LRRTM3: variants seen among roughly 807,000 people sequenced by gnomAD.
The protein encoded by LRRTM3 is leucine-rich repeat transmembrane neuronal protein 3.
A neutral mutation model predicts 44.7 loss-of-function variants in LRRTM3; 24 were observed. The observed-to-expected ratio is 0.54, with a 90% CI of 0.39 to 0.76. The LOEUF (loss-of-function observed/expected upper bound fraction) is 0.76. Ranked by LOEUF, LRRTM3 falls within the 30% of genes least tolerant of loss-of-function variation. The pLI, the probability that LRRTM3 is intolerant of heterozygous loss-of-function variation, is 0.00. For synonymous variants in LRRTM3, 277 were observed against 278.7 expected, an observed-to-expected ratio of 0.99 and a Z score of 0.06; for missense variants, 587 against 702.2, an observed-to-expected ratio of 0.84 and a Z score of 1.85.
At chr10:67,013,551 T>C (rs1852471053) in intron 2 of LRRTM3, among the ~76,000 whole-genome samples, 1 of 152,142 alleles carries the variant, frequency 6.6e-6, no homozygotes, top group East Asian at 1.9e-4. Context: ...TACCATGACC[T>C]CGGCAAACAC....
At position 67,031,844 on chromosome 10, in the gene LRRTM3, C is replaced by A. The variant is rs183490679; in HGVS notation, c.1537-65743C>A. On this transcript the variant is annotated intron_variant, in intron 2 of 2. Coordinates refer to ENST00000361320, the MANE Select transcript of LRRTM3 (RefSeq NM_178011.5). ...GAATCAAGAAGGACAGATCAGAGGT[C>A]ATTTTGAGCAGCCTCTTTTATTGGG... Among the ~76,000 whole-genome samples, 614 of 152,286 alleles carry A rather than the reference C, an allele frequency of 4.0e-3. 3 individuals are homozygous for A. Among genetic ancestry groups the A allele is most frequent in the South Asian group, 0.012 (59 of 4,820 alleles).
At chr10:67,051,838 T>A (rs1287039309) in intron 2 of LRRTM3, among the ~76,000 whole-genome samples, 2 of 151,854 alleles carry the variant, frequency 1.3e-5, no homozygotes, top group African/African-American at 4.8e-5. Context: ...CACTGCAACC[T>A]CTGCCTCAGG....
chr10:66,988,364 T>C (rs1226894476), intron 2 of LRRTM3, among the ~76,000 whole-genome samples: 1 of 152,202 alleles, frequency 6.6e-6, no homozygotes, highest in African/African-American at 2.4e-5. Flanking sequence ...TAGAAATTCA[T>C]CAAAGCAACA....
rs1213475941 is a variant in LRRTM3, at chr10:67,099,210, T to C, written c.*1414T>C. ...ATTATAAAGTTCATTCAAATCAAAT[T>C]AAGAAAACCTGAGTCTTTAGAAGCT... On this transcript the variant is annotated 3_prime_UTR_variant, in exon 3 of 3. Coordinates refer to ENST00000361320, the MANE Select transcript of LRRTM3 (RefSeq NM_178011.5). 5.9e-5 allele frequency: 9 copies of C among 151,920 alleles called. No homozygotes were observed. The East Asian group carries it at 1.7e-3, about 29-fold the overall frequency. The allele number at this position is 151,920 out of a possible 1,614,324, so 9.4% of individuals were successfully genotyped here. A position where few individuals can be genotyped will look rare whatever the true frequency, so the allele number is the denominator to read the frequency against.
chr10:67,025,305 C>T (rs1479275686), intron 2 of LRRTM3, among the ~76,000 whole-genome samples: 1 of 151,210 alleles, frequency 6.6e-6, no homozygotes, highest in Non-Finnish European at 1.5e-5. Context: ...TTGATTAGCT[C>T]ATAAGCCTAT....
intron 2 of LRRTM3, among the ~76,000 whole-genome samples, chr10:67,007,234 T>C (rs576982328): frequency 6.6e-6 from 1 of 152,306 alleles, no homozygotes; most frequent in Admixed American, 6.5e-5. Context: ...CATCAACACA[T>C]TGAACTGAAA....
chr10:67,034,924 T>C (rs1446782055), intron 2 of LRRTM3, among the ~76,000 whole-genome samples: 1 of 152,226 alleles, frequency 6.6e-6, no homozygotes. Flanking sequence ...ATGCTATTTC[T>C]TCTGGCCTTC....
intron 2 of LRRTM3, among the ~76,000 whole-genome samples, chr10:67,025,077 C>T (rs1404845189): frequency 6.8e-6 from 1 of 146,976 alleles, no homozygotes; most frequent in Non-Finnish European, 1.5e-5. Flanking sequence ...TGCGGTGAGC[C>T]GAGATCATGC....
intron 2 of LRRTM3, among the ~76,000 whole-genome samples, chr10:67,069,557 GCCCCACCCCACCCCA>G (rs549930721): frequency 2.1e-3 from 198 of 96,352 alleles, no homozygotes; most frequent in Middle Eastern, 9.5e-3. Context: ...ACAGCAGCCC[GCCCCACCCCACCCCA>G]CCCCACCCCA....
At chr10:67,061,700 C>T (rs551326417) in intron 2 of LRRTM3, among the ~76,000 whole-genome samples, 11 of 152,272 alleles carry the variant, frequency 7.2e-5, no homozygotes, top group South Asian at 4.1e-4. Flanking sequence ...GAAAGAGAAA[C>T]GATATTTCAG....
At position 67,050,659 on chromosome 10, in the gene LRRTM3, C is replaced by A. The variant is rs77678990; in HGVS notation, c.1537-46928C>A. Among the ~76,000 whole-genome samples the A allele has an allele frequency of 2.9e-3, 442 of 152,300 alleles. 8 individuals are homozygous for A. The East Asian group carries it at 0.058, about 20-fold the overall frequency. ...TGTGATTGCCCAGACTCGTGTCCTG[C>A]ATGGAATTTAAACTACTTTTGTAAC... is the stretch of plus-strand genomic sequence containing the variant. On this transcript the variant is annotated intron_variant, in intron 2 of 2. Transcript: ENST00000361320.
intron 2 of LRRTM3, among the ~76,000 whole-genome samples, chr10:67,047,109 A>G (rs1211525277): frequency 1.3e-5 from 2 of 152,208 alleles, no homozygotes; most frequent in East Asian, 3.9e-4. Context: ...CAATGAAGAC[A>G]GTACTCAGAC....
At chr10:66,987,592 A>G (rs1435019389) in intron 2 of LRRTM3, among the ~76,000 whole-genome samples, 2 of 152,174 alleles carry the variant, frequency 1.3e-5, no homozygotes, top group Non-Finnish European at 2.9e-5. Flanking sequence ...TCCAGTTACT[A>G]CTGTCTCATT....
intron 2 of LRRTM3, among the ~76,000 whole-genome samples, chr10:66,992,288 AT>A (rs746908488): frequency 6.6e-6 from 1 of 152,004 alleles, no homozygotes; most frequent in Non-Finnish European, 1.5e-5. Flanking sequence ...ATCTTTTTAC[AT>A]GTTTATTTGT....
Position 66,926,474 on chromosome 10 carries a change from G to A in LRRTM3, c.-110G>A. 7.9e-7 allele frequency: 1 copy of A among 1,271,776 alleles called. No individual in the cohort carries two copies. Among genetic ancestry groups the A allele is most frequent in the Non-Finnish European group, 1.1e-6 (1 of 892,548 alleles). 78.8% of individuals were successfully genotyped at this position (1,271,776 alleles called of 1,614,324 possible). ...CCCAAGGGGTCCAATTTTTCTTCCTGGGTGTCAGCGAGCCCTGACTCACTA... is the reference window on the plus strand; with the variant it reads ...CCCAAGGGGTCCAATTTTTCTTCCTAGGTGTCAGCGAGCCCTGACTCACTA... On this transcript the variant is annotated 5_prime_UTR_variant, in exon 1 of 3. Transcript: ENST00000361320.
chr10:67,080,942 A>G (rs1791402195), intron 2 of LRRTM3, among the ~76,000 whole-genome samples: 1 of 151,316 alleles, frequency 6.6e-6, no homozygotes. Flanking sequence ...ACAACAAAAA[A>G]AAAAAAACAA....
At chr10:67,072,140 G>T (rs543311169) in intron 2 of LRRTM3, among the ~76,000 whole-genome samples, 1 of 152,228 alleles carries the variant, frequency 6.6e-6, no homozygotes, top group East Asian at 1.9e-4. Flanking sequence ...TTTTAGTAGA[G>T]ATGGCTTTTT....
intron 2 of LRRTM3, among the ~76,000 whole-genome samples, chr10:67,060,249 T>C (rs1455228941): frequency 2.6e-5 from 4 of 151,970 alleles, no homozygotes; most frequent in Non-Finnish European, 4.4e-5. Context: ...GCCTGGGAGG[T>C]AGAGGCTGCA....
At chr10:67,042,448 G>A (rs1243149059) in intron 2 of LRRTM3, among the ~76,000 whole-genome samples, 2 of 152,146 alleles carry the variant, frequency 1.3e-5, no homozygotes, top group Non-Finnish European at 2.9e-5. Context: ...AGTTTTCCAT[G>A]TCTTCTAAGC....
Sources: allele counts gnomAD v4.1 joint callset (sites outside exome capture counted in the v4.1 genomes callset), GRCh38; gene constraint gnomAD v4.1.1; transcripts MANE v1.5; gene names NCBI Gene and HGNC (gene_info 2026-07-23, HGNC 2026-07-21).